The following CYP4B1 variants were observed in gnomAD, a reference collection of about 807,000 sequenced individuals.
CYP4B1 encodes the protein cytochrome P450 4B1.
CYP4B1 carries 45 observed loss-of-function variants against 54.0 expected under a neutral mutation model. That is an observed-to-expected ratio of 0.83 (90% CI 0.66 to 1.07). The LOEUF (loss-of-function observed/expected upper bound fraction) is 1.07, where lower values mean the gene tolerates loss of function less well. CYP4B1 is among the 50% of genes least tolerant of loss of function. The pLI is 0.00. For synonymous variants in CYP4B1, 248 were observed against 247.5 expected (o/e 1.00, Z -0.02); for missense variants, 656 against 655.4 (o/e 1.00, Z -0.01).
intron 9 of CYP4B1, 77 bp from the exon 10 acceptor site, chr1:46,817,888 A>T (rs1332744649): frequency 6.1e-6 from 8 of 1,304,576 alleles, no homozygotes; most frequent in Non-Finnish European, 8.9e-6. Context: ...AGGGGTCACT[A>T]GGGGACTCTG....
intron 4 of CYP4B1, 45 bp from the exon 5 acceptor site, chr1:46,813,437 C>T (rs1557498063): frequency 6.2e-7 from 1 of 1,613,246 alleles, no homozygotes; most frequent in Admixed American, 1.7e-5. Flanking sequence ...CCCAACTAAC[C>T]CCTGCATCGC....
intron 1 of CYP4B1, among the ~76,000 whole-genome samples, chr1:46,804,340 C>T (rs1678774244): frequency 6.6e-6 from 1 of 151,956 alleles, no homozygotes; most frequent in Admixed American, 6.5e-5. Context: ...GTGGGCACAG[C>T]TCTTTAGAGA....
intron 7 of CYP4B1, 98 bp downstream of exon 7, chr1:46,814,413 C>T (rs78619059): frequency 2.4e-6 from 2 of 836,034 alleles, no homozygotes; most frequent in Non-Finnish European, 3.9e-6. Context: ...AGCATTTCCC[C>T]CTTTCCTCAG....
rs776473025 is a variant in CYP4B1, at chr1:46,818,235, C to G, written c.1355+22C>G. ...CCAGGTATGGAGAGACCCAGTATCC[C>G]AGGCCCTCAGGACTGGGGAGGAGAG... On this transcript the variant is annotated intron_variant, in intron 11 of 11. Coordinates refer to ENST00000371923, the MANE Select transcript of CYP4B1 (RefSeq NM_001099772.2). 64 of 1,604,614 alleles carry G rather than the reference C, an allele frequency of 4.0e-5. No individual in the cohort carries two copies. In the East Asian group the frequency reaches 1.4e-3, roughly 36 times the overall value.
At position 46,814,044 on chromosome 1, in the gene CYP4B1, G is replaced by T; in HGVS notation, c.756G>T (p.Gln252His). Residue 252 changes from glutamine (Q) to histidine (H), a missense_variant, in exon 6 of 12, where the codon CAG becomes CAT. Transcript: ENST00000371923. ...PHGRRFLRAC[Q>H]VAHDHTDQVI... The stretch of plus-strand genomic sequence containing the variant: ...GCCGCCGCTTCCTGCGGGCCTGCCA[G>T]GTGGCCCATGACCATACAGGTGGGC... The T allele has an allele frequency of 6.2e-7, 1 of 1,614,092 alleles. No homozygotes were observed. The highest frequency in any genetic ancestry group is 1.1e-5 in the South Asian group (1 of 91,082).
intron 1 of CYP4B1, among the ~76,000 whole-genome samples, chr1:46,809,512 T>C (rs1410353938): frequency 6.6e-6 from 1 of 152,272 alleles, no homozygotes; most frequent in African/African-American, 2.4e-5. Context: ...TTTATGGGAC[T>C]GTAACCTAAC....
chr1:46,813,550 G>T lies in CYP4B1; in HGVS notation c.564G>T (p.Ala188=), dbSNP rs762443218. 1 of 1,614,156 alleles carries T rather than the reference G, an allele frequency of 6.2e-7. No homozygotes were observed. The highest frequency in any genetic ancestry group is 8.5e-7 in the Non-Finnish European group (1 of 1,180,016). The change falls in exon 5 of 12, where the codon GCG becomes GCT. Residue 188 remains alanine (A), a synonymous_variant. Coordinates refer to ENST00000371923, the MANE Select transcript of CYP4B1 (RefSeq NM_001099772.2). ...FDIFCDVGHM[A]LNTLMKCTFG... ...TCTTCTGCGATGTGGGTCACATGGCGCTGAACACACTCATGAAGTGCACCT... is the reference window on the plus strand; with the variant it reads ...TCTTCTGCGATGTGGGTCACATGGCTCTGAACACACTCATGAAGTGCACCT...
At chr1:46,809,734 T>C (rs1679021270) in intron 1 of CYP4B1, among the ~76,000 whole-genome samples, 1 of 152,200 alleles carries the variant, frequency 6.6e-6, no homozygotes. Flanking sequence ...GTTAAGTGTA[T>C]CTTTGAAAGA....
At chr1:46,809,884 G>T (rs551091335) in intron 1 of CYP4B1, among the ~76,000 whole-genome samples, 1 of 152,168 alleles carries the variant, frequency 6.6e-6, no homozygotes. Flanking sequence ...ATGAAAAATG[G>T]CTGGTTTTGC....
intron 1 of CYP4B1, among the ~76,000 whole-genome samples, chr1:46,809,132 A>C (rs1396634945): frequency 1.7e-5 from 2 of 117,354 alleles, no homozygotes; most frequent in Non-Finnish European, 3.3e-5. Flanking sequence ...AAAAAACCCA[A>C]AAAACAAACA....
intron 1 of CYP4B1, among the ~76,000 whole-genome samples, chr1:46,809,761 A>G (rs528359868): frequency 6.6e-6 from 1 of 152,356 alleles, no homozygotes; most frequent in East Asian, 1.9e-4. Flanking sequence ...CTAAATGGGG[A>G]AAAATAGTTA....
At chr1:46,811,255 C>T (rs1393903643) in intron 3 of CYP4B1, 71 bp downstream of exon 3, 2 of 1,492,668 alleles carry the variant, frequency 1.3e-6, no homozygotes, top group Admixed American at 3.3e-5. Flanking sequence ...GGATCCTGGC[C>T]TGTCCCACTC....
chr1:46,806,679 TCC>T (rs1678874592), intron 1 of CYP4B1: 1 of 152,242 alleles, frequency 6.6e-6, no homozygotes, highest in African/African-American at 2.4e-5. Context: ...TGCTTGCTCT[TCC>T]CAATCCCTCC....
chr1:46,805,342 C>G (rs1388314611), intron 1 of CYP4B1, among the ~76,000 whole-genome samples: 3 of 152,238 alleles, frequency 2.0e-5, no homozygotes, highest in Non-Finnish European at 4.4e-5. Context: ...GCTTTGGAAT[C>G]TAAAGACTGG....
At chr1:46,803,597 C>T (rs1370602000) in intron 1 of CYP4B1, among the ~76,000 whole-genome samples, 1 of 152,124 alleles carries the variant, frequency 6.6e-6, no homozygotes, top group Non-Finnish European at 1.5e-5. Flanking sequence ...GCATCTGAGA[C>T]CCAGGAAGAG....
chr1:46,812,092 A>T, intron 3 of CYP4B1: 1 of 456,892 alleles, frequency 2.2e-6, no homozygotes, highest in Non-Finnish European at 4.4e-6. Context: ...ACGGTGGGAC[A>T]TTCCCTAAGT....
rs1679454437 is a variant in CYP4B1 at position 46,819,040 on chromosome 1, A to G, written c.*226A>G. ...ATTCTAGAGCTCATTCATTTATTCA[A>G]CAAACATTTGGTGAGCACCTATTTC... On this transcript the variant is annotated 3_prime_UTR_variant, in exon 12 of 12. Transcript: ENST00000371923. The G allele has an allele frequency of 2.3e-6, 1 of 439,012 alleles. No individual in the cohort carries two copies. The highest frequency in any genetic ancestry group is 2.0e-5 in the African/African-American group (1 of 50,528). 27.2% of individuals were successfully genotyped at this position (439,012 alleles called of 1,614,324 possible).
chr1:46,812,683 C>A (rs1557497287), intron 4 of CYP4B1, 60 bp downstream of exon 4: 1 of 1,578,716 alleles, frequency 6.3e-7, no homozygotes, highest in Non-Finnish European at 8.6e-7. Flanking sequence ...CCCTCTCCAC[C>A]CTGATTTTGT....
At position 46,811,048 on chromosome 1, in the gene CYP4B1, A is replaced by C. The variant is rs1569888335; in HGVS notation, c.323-92A>C. The C allele has an allele frequency of 1.9e-6, 3 of 1,602,690 alleles. No homozygotes were observed. The East Asian group carries it at 6.7e-5, about 36-fold the overall frequency. On this transcript the variant is annotated intron_variant, in intron 2 of 11. Transcript: ENST00000371923. ...GGAGGAAGCCTGGGCCTGTGTACTA[A>C]GTCTGCGGAGCTGAGGTTCCCACCC...
Sources: gnomAD v4.1 joint callset for allele counts (sites outside exome capture counted in the v4.1 genomes callset) on GRCh38, gnomAD v4.1.1 for gene constraint, MANE v1.5 for transcripts, NCBI Gene and HGNC (gene_info 2026-07-23, HGNC 2026-07-21) for gene names.